The following REL variants were observed in gnomAD, a reference collection of about 807,000 sequenced individuals.
REL encodes the protein proto-oncogene c-Rel.
Under a neutral mutation model 45.9 loss-of-function variants are expected in REL, and 15 were observed. The observed-to-expected ratio is 0.33, with a 90% CI of 0.22 to 0.50. The LOEUF (loss-of-function observed/expected upper bound fraction) is 0.50, where lower values mean the gene tolerates loss of function less well. Ranked by LOEUF, REL falls within the 20% of genes least tolerant of loss-of-function variation. The pLI, the probability that REL is intolerant of heterozygous loss-of-function variation, is 0.98. For synonymous variants in REL, 239 were observed against 242.1 expected, an observed-to-expected ratio of 0.99 and a Z score of 0.12; for missense variants, 601 against 715.2, an observed-to-expected ratio of 0.84 and a Z score of 1.82.
At position 60,914,835 on chromosome 2, in the gene REL, GTTTTT is replaced by G. The variant is rs34572751; in HGVS notation, c.395-2030_395-2026del. 8.4e-5 allele frequency among the ~76,000 whole-genome samples: 11 copies of G among 131,182 alleles called. No homozygotes were observed. In the East Asian group the frequency reaches 8.7e-4, roughly 10 times the overall value. 86.1% of individuals were successfully genotyped at this position (131,182 alleles called of 152,430 possible). Reference sequence around the variant, plus strand: ...GTGTATACCCATAGCTTGTTTTTTTGTTTTTTTTTTTTTTTTGAGATGGAGTCTTG... The same window carrying G: ...GTGTATACCCATAGCTTGTTTTTTTGTTTTTTTTTTTGAGATGGAGTCTTG... On this transcript the variant is annotated intron_variant, in intron 4 of 9. Transcript: ENST00000394479.
chr2:60,893,687 C>T (rs948511717), intron 2 of REL, among the ~76,000 whole-genome samples: 2 of 152,168 alleles, frequency 1.3e-5, no homozygotes, highest in Non-Finnish European at 2.9e-5. Context: ...TTAGTGCCCT[C>T]TACCTTGTAA....
intron 4 of REL, among the ~76,000 whole-genome samples, chr2:60,905,261 A>ATT (rs564898508): frequency 1.6e-3 from 242 of 151,926 alleles, no homozygotes; most frequent in African/African-American, 5.7e-3. Flanking sequence ...CACCCGGCTA[A>ATT]TTTTTTGTAT....
chr2:60,907,815 C>G (rs546401855), intron 4 of REL, among the ~76,000 whole-genome samples: 8 of 151,652 alleles, frequency 5.3e-5, no homozygotes, highest in Non-Finnish European at 1.0e-4. Context: ...CTCAGCCTCC[C>G]GAGTAGCTAG....
At chr2:60,885,760 T>C (rs1354040110) in intron 1 of REL, among the ~76,000 whole-genome samples, 1 of 152,210 alleles carries the variant, frequency 6.6e-6, no homozygotes, top group Non-Finnish European at 1.5e-5. Flanking sequence ...GCAAAGTCTG[T>C]CACCGAGGAC....
intron 1 of REL, among the ~76,000 whole-genome samples, chr2:60,885,642 G>C (rs1673053880): frequency 6.6e-6 from 1 of 152,138 alleles, no homozygotes; most frequent in Non-Finnish European, 1.5e-5. Flanking sequence ...GAGAGACCTA[G>C]TTTGAGGAAA....
intron 1 of REL, among the ~76,000 whole-genome samples, chr2:60,890,152 A>G (rs960448203): frequency 5.3e-5 from 8 of 152,208 alleles, no homozygotes; most frequent in Middle Eastern, 3.4e-3. Context: ...TAACTGGTGT[A>G]AGATGGTATC....
Position 60,922,371 on chromosome 2 carries a change from G to A in REL, c.1600G>A (p.Asp534Asn). The change falls in exon 10 of 10, where the codon GAC becomes AAC. Residue 534 changes from aspartate to asparagine, a missense_variant. Asp to Asn is a conservative substitution (Grantham distance 23, BLOSUM62 1). Around this residue, in one of 4 missense-constraint regions of REL, gnomAD observed 334 missense variants for 333.1 expected, o/e 1.00. Transcript: ENST00000394479. ...VSQSDAFEGS[D>N]FSCADNSMIN... ...ACAATCAGATGCATTTGAGGGATCT[G>A]ACTTCAGTTGTGCAGATAACAGCAT... 6.2e-7 allele frequency: 1 copy of A among 1,614,062 alleles called. No homozygotes were observed. The highest frequency in any genetic ancestry group is 8.5e-7 in the Non-Finnish European group (1 of 1,180,010).
chr2:60,922,618 A>G lies in REL; in HGVS notation c.*83A>G, dbSNP rs1674175833. 3 of 1,422,806 alleles carry G rather than the reference A, an allele frequency of 2.1e-6. No individual in the cohort carries two copies. The highest frequency in any genetic ancestry group is 2.8e-6 in the Non-Finnish European group (3 of 1,083,172). 88.1% of individuals were successfully genotyped at this position (1,422,806 alleles called of 1,614,324 possible). The stretch of plus-strand genomic sequence containing the variant: ...GTATTTGTCTAACTGGGGATATAAT[A>G]CTATATTTATACTGTATATATAATA... On this transcript the variant is annotated 3_prime_UTR_variant, in exon 10 of 10. Coordinates refer to ENST00000394479, the MANE Select transcript of REL (RefSeq NM_001291746.2).
chr2:60,899,022 G>GA (rs1187029105), intron 3 of REL: 1 of 152,076 alleles, frequency 6.6e-6, no homozygotes, highest in Non-Finnish European at 1.5e-5. Context: ...AGTCAAATAT[G>GA]AGATTATTCA....
intron 1 of REL, among the ~76,000 whole-genome samples, chr2:60,882,994 G>A (rs1352075976): frequency 6.6e-6 from 1 of 152,114 alleles, no homozygotes; most frequent in Admixed American, 6.6e-5. Flanking sequence ...TGAGGGGGAC[G>A]GGAGAGCCGG....
intron 1 of REL, among the ~76,000 whole-genome samples, chr2:60,889,863 G>A (rs1461804067): frequency 1.3e-5 from 2 of 152,114 alleles, no homozygotes; most frequent in African/African-American, 4.8e-5. Context: ...GGACATTTGG[G>A]TTGGTTCCAA....
chr2:60,921,997 A>G lies in REL; in HGVS notation c.1226A>G (p.Gln409Arg), dbSNP rs1674155122. The G allele has an allele frequency of 6.2e-7, 1 of 1,614,026 alleles. No individual in the cohort carries two copies. The highest frequency in any genetic ancestry group is 8.5e-7 in the Non-Finnish European group (1 of 1,180,030). The change falls in exon 10 of 10, where the codon CAA (glutamine) becomes CGA (arginine). Residue 409 changes from glutamine (Q) to arginine (R), a missense_variant. Coordinates refer to ENST00000394479, the MANE Select transcript of REL (RefSeq NM_001291746.2). ...FSTRTLPSNSQGIPPFLRIPV... is the reference protein window; with the variant it reads ...FSTRTLPSNSRGIPPFLRIPV... ...ACAAGGACACTTCCTTCTAATTCGC[A>G]AGGTATCCCACCATTCCTGAGAATA...
At chr2:60,917,680 C>CTGTGTGTGTGTGTGTG (rs34038794) in intron 5 of REL, among the ~76,000 whole-genome samples, 3 of 142,252 alleles carry the variant, frequency 2.1e-5, no homozygotes, top group South Asian at 2.3e-4. Flanking sequence ...CCCCAAAATA[C>CTGTGTGTGTGTGTGTG]TGTGTGTGTG....
rs1674151398 is a variant in REL at position 60,921,920 on chromosome 2, G to C, written c.1149G>C (p.Val383=). ...APLPSSSWSS[V]AHPTPRSGNT... The stretch of plus-strand genomic sequence containing the variant: ...TGCCTTCTTCAAGCTGGTCATCAGT[G>C]GCCCACCCCACCCCACGCTCAGGCA... The change falls in exon 10 of 10, where the codon GTG becomes GTC. Residue 383 remains valine (V), a synonymous_variant. Coordinates refer to ENST00000394479, the MANE Select transcript of REL (RefSeq NM_001291746.2). 3 of 1,613,832 alleles carry C rather than the reference G, an allele frequency of 1.9e-6. No individual in the cohort carries two copies. The highest frequency in any genetic ancestry group is 2.5e-6 in the Non-Finnish European group (3 of 1,180,012).
rs981818582 is a variant in REL, at chr2:60,923,446, A to G, written c.*911A>G. ...TTCTTAGATGTCCTCACTCCCTGTG[A>G]TCTCATAAAACTGCCTATTTGACAT... On this transcript the variant is annotated 3_prime_UTR_variant, in exon 10 of 10. Coordinates refer to ENST00000394479, the MANE Select transcript of REL (RefSeq NM_001291746.2). 1 of 232,212 alleles carries G rather than the reference A, an allele frequency of 4.3e-6. No individual in the cohort carries two copies. Among genetic ancestry groups the G allele is most frequent in the African/African-American group, 2.2e-5 (1 of 45,388 alleles). 14.4% of individuals were successfully genotyped at this position (232,212 alleles called of 1,614,324 possible).
chr2:60,894,738 T>C (rs918269153), intron 3 of REL, among the ~76,000 whole-genome samples, 193 bp downstream of exon 3: 6 of 152,162 alleles, frequency 3.9e-5, no homozygotes, highest in African/African-American at 1.2e-4. Context: ...ACACATCTTA[T>C]GATAGTTAGC....
intron 4 of REL, among the ~76,000 whole-genome samples, chr2:60,909,862 C>T (rs910526435): frequency 6.6e-6 from 1 of 152,012 alleles, no homozygotes; most frequent in South Asian, 2.1e-4. Context: ...GAGATGGCGC[C>T]ACTGCACTCC....
chr2:60,929,888 C>T lies in REL; in HGVS notation c.*7353C>T, dbSNP rs1269582068. On this transcript the variant is annotated 3_prime_UTR_variant, in exon 10 of 10. Coordinates refer to ENST00000394479, the MANE Select transcript of REL (RefSeq NM_001291746.2). ...TGGTGACATGTGCCTGTGGTCCCAG[C>T]TATTAGGGAGGCTGAGGTGGGAGGA... 1 of 151,820 alleles carries T rather than the reference C, an allele frequency of 6.6e-6. No homozygotes were observed. Among genetic ancestry groups the T allele is most frequent in the Non-Finnish European group, 1.5e-5 (1 of 67,968 alleles). 9.4% of individuals were successfully genotyped at this position (151,820 alleles called of 1,614,324 possible).
rs1156591418 is a variant in REL, at chr2:60,926,031, C to T, written c.*3496C>T. ...CTTTAATTTAAAATGAATTTGGTAA[C>T]GTTTCTCCTCTGTCTCTACATATAT... On this transcript the variant is annotated 3_prime_UTR_variant, in exon 10 of 10. Coordinates refer to ENST00000394479, the MANE Select transcript of REL (RefSeq NM_001291746.2). 2.2e-5 allele frequency: 5 copies of T among 228,368 alleles called. No individual in the cohort carries two copies. The highest frequency in any genetic ancestry group is 1.8e-4 in the South Asian group (1 of 5,460). 14.1% of individuals were successfully genotyped at this position (228,368 alleles called of 1,614,324 possible).
Sources: gnomAD v4.1 joint callset for allele counts (sites outside exome capture counted in the v4.1 genomes callset) on GRCh38, gnomAD v4.1.1 for gene constraint, gnomAD v4.1.1 regional missense constraint, MANE v1.5 for transcripts, NCBI Gene and HGNC (gene_info 2026-07-23, HGNC 2026-07-21) for gene names.